Variants in TNS3 observed in about 807,000 individuals in gnomAD.
TNS3 encodes the protein tensin 3.
A neutral mutation model predicts 140.9 loss-of-function variants in TNS3; 45 were observed. That is an observed-to-expected ratio of 0.32 (90% CI 0.25 to 0.41). TNS3 has a LOEUF of 0.41. Among genes scored for constraint, TNS3 ranks in the 10% least tolerant of loss-of-function variants. The pLI, the probability that TNS3 is intolerant of heterozygous loss-of-function variation, is 1.00. For synonymous variants in TNS3, 815 were observed against 788.4 expected (o/e 1.03, Z -0.56); for missense variants, 1,716 against 1,906.7 (o/e 0.90, Z 1.86).
intron 23 of TNS3, among the ~76,000 whole-genome samples, chr7:47,300,469 C>T (rs1173345195): frequency 5.3e-5 from 8 of 152,184 alleles, no homozygotes; most frequent in Admixed American, 3.9e-4. Flanking sequence ...ATCTACCAGG[C>T]GCCAGCAAGG....
chr7:47,379,284 T>C (rs1791605156), intron 16 of TNS3, among the ~76,000 whole-genome samples: 1 of 152,226 alleles, frequency 6.6e-6, no homozygotes, highest in Non-Finnish European at 1.5e-5. Flanking sequence ...TTGTATTATC[T>C]TACCCATAGC....
intron 17 of TNS3, among the ~76,000 whole-genome samples, chr7:47,365,275 T>A (rs981085128): frequency 6.6e-6 from 1 of 151,692 alleles, no homozygotes; most frequent in Admixed American, 6.6e-5. Context: ...TGAAACCCCA[T>A]CTCTACTAAA....
intron 2 of TNS3, among the ~76,000 whole-genome samples, chr7:47,523,298 GAGGGTTAGA>G (rs1799057876): frequency 6.6e-6 from 1 of 152,186 alleles, no homozygotes; most frequent in African/African-American, 2.4e-5. Flanking sequence ...CCATCCCATG[GAGGGTTAGA>G]ATGTCAACAT....
In TNS3 at chr7:47,411,765, C is replaced by G. The variant is rs774246938; in HGVS notation, c.685G>C (p.Val229Leu). Residue 229 changes from valine to leucine, a missense_variant, in exon 13 of 31, where the codon GTC becomes CTC. Coordinates refer to ENST00000311160, the MANE Select transcript of TNS3 (RefSeq NM_022748.12). ...TTCAGAAGCTGGGCCGGCTCGATGA[C>G]GATGCAGATCCTGCTGGGGTTTTCT... Reference protein sequence around the residue: ...GPENPSRICIVIEPAQLLKGD... With the variant: ...GPENPSRICILIEPAQLLKGD... 1 of 1,613,254 alleles carries G rather than the reference C, an allele frequency of 6.2e-7. No homozygotes were observed. The highest frequency in any genetic ancestry group is 8.5e-7 in the Non-Finnish European group (1 of 1,179,682).
At chr7:47,408,740 G>A (rs908519671) in intron 13 of TNS3, among the ~76,000 whole-genome samples, 11 of 152,114 alleles carry the variant, frequency 7.2e-5, no homozygotes, top group Admixed American at 5.9e-4. Context: ...CCAAGACAAC[G>A]ACTTTCCTTG....
chr7:47,522,366 C>A (rs569286882), intron 2 of TNS3, among the ~76,000 whole-genome samples: 65 of 152,244 alleles, frequency 4.3e-4, no homozygotes, highest in African/African-American at 1.2e-3. Context: ...CACCCCCAGG[C>A]CAGCCTCACA....
chr7:47,284,231 G>A (rs538522911), intron 27 of TNS3, among the ~76,000 whole-genome samples: 3 of 152,318 alleles, frequency 2.0e-5, no homozygotes, highest in Admixed American at 1.3e-4. Context: ...GTCTCAGGGT[G>A]GGTATGGACA....
At chr7:47,414,114 G>T in intron 11 of TNS3, 117 bp from the exon 12 acceptor site, 2 of 1,080,746 alleles carry the variant, frequency 1.9e-6, no homozygotes, top group South Asian at 2.8e-5. Context: ...TGCGGCCTTT[G>T]AGGTCTGGGA....
At chr7:47,500,753 C>T (rs1339637326) in intron 3 of TNS3, among the ~76,000 whole-genome samples, 1 of 152,148 alleles carries the variant, frequency 6.6e-6, no homozygotes, top group Non-Finnish European at 1.5e-5. Context: ...CTTTTACACG[C>T]AGGGCCAGGG....
chr7:47,479,678 C>T (rs1188703969), intron 4 of TNS3, among the ~76,000 whole-genome samples: 2 of 152,204 alleles, frequency 1.3e-5, no homozygotes, highest in East Asian at 1.9e-4. Context: ...TTATTTTTAA[C>T]GTTCCTATGA....
In TNS3 at chr7:47,312,444, C is replaced by T. The variant is rs892096965; in HGVS notation, c.2651-7441G>A. Among the ~76,000 whole-genome samples, 15 of 152,016 alleles carry T rather than the reference C, an allele frequency of 9.9e-5. 2 individuals are homozygous for T. The highest frequency in any genetic ancestry group is 2.2e-4 in the Non-Finnish European group (15 of 68,008). On this transcript the variant is annotated intron_variant, in intron 20 of 30. Transcript: ENST00000311160. ...TGGGGCTGGGTGCGGCGGGTCATGC[C>T]TGTAATCCCAGCACTTTGGGAGGCG...
intron 8 of TNS3, among the ~76,000 whole-genome samples, chr7:47,433,875 G>A (rs932595863): frequency 2.8e-4 from 30 of 108,448 alleles, no homozygotes; most frequent in South Asian, 1.5e-3. Flanking sequence ...TTAAAAGTCC[G>A]TCTGTCTATC....
At chr7:47,281,974 C>T (rs1312286651) in intron 28 of TNS3, among the ~76,000 whole-genome samples, 1 of 145,924 alleles carries the variant, frequency 6.9e-6, no homozygotes, top group Non-Finnish European at 1.5e-5. Context: ...AGCCATACTC[C>T]TGACTGTAAG....
chr7:47,453,790 C>T (rs1009443457), intron 4 of TNS3, among the ~76,000 whole-genome samples: 9 of 152,166 alleles, frequency 5.9e-5, no homozygotes, highest in Admixed American at 2.6e-4. Context: ...CATAGAGTCC[C>T]GGACCTGCCC....
At chr7:47,514,266 T>A (rs1182652550) in intron 2 of TNS3, among the ~76,000 whole-genome samples, 3 of 152,240 alleles carry the variant, frequency 2.0e-5, no homozygotes, top group Admixed American at 2.0e-4. Flanking sequence ...GACCCCATTG[T>A]TGCCTTGTTA....
At chr7:47,371,832 A>C (rs1791089109) in intron 16 of TNS3, among the ~76,000 whole-genome samples, 1 of 152,238 alleles carries the variant, frequency 6.6e-6, no homozygotes, top group South Asian at 2.1e-4. Flanking sequence ...ACTGGTTCAA[A>C]TCCCAGCTCC....
intron 1 of TNS3, among the ~76,000 whole-genome samples, chr7:47,565,555 C>T (rs960794294): frequency 2.6e-5 from 4 of 151,950 alleles, no homozygotes; most frequent in Non-Finnish European, 1.5e-5. Context: ...TTAGTAGAGA[C>T]GGGGTTTCAC....
chr7:47,481,627 A>T (rs1797422384), intron 3 of TNS3: 1 of 980,476 alleles, frequency 1.0e-6, no homozygotes, highest in Non-Finnish European at 1.2e-6. Context: ...AGTAGAACTG[A>T]AGAGTCTGAA....
chr7:47,427,288 C>A (rs183437186), intron 9 of TNS3, among the ~76,000 whole-genome samples: 63 of 152,242 alleles, frequency 4.1e-4, no homozygotes, highest in Admixed American at 9.2e-4. Flanking sequence ...ATTATTCTCA[C>A]CAAGAGGGTA....
Sources: allele counts gnomAD v4.1 joint callset (sites outside exome capture counted in the v4.1 genomes callset), GRCh38; gene constraint gnomAD v4.1.1; transcripts MANE v1.5; gene names NCBI Gene and HGNC (gene_info 2026-07-23, HGNC 2026-07-21).